The following TSPAN9 variants were observed in gnomAD, a reference collection of about 807,000 sequenced individuals.
TSPAN9 encodes the protein tetraspanin-9.
In TSPAN9, 16 loss-of-function variants were observed where a neutral mutation model predicts 31.0. The ratio of observed to expected loss-of-function variants is 0.52; its 90% CI spans 0.35 to 0.78. The LOEUF is 0.78. Among genes scored for constraint, TSPAN9 ranks in the 30% least tolerant of loss-of-function variants. The pLI, the probability that TSPAN9 is intolerant of heterozygous loss-of-function variation, is 0.01. For missense variants in TSPAN9, 272 were observed against 312.5 expected (o/e 0.87, Z 0.98); for synonymous variants, 145 against 121.6 (o/e 1.19, Z -1.27).
At chr12:3,161,343 A>G (rs1390846377) in intron 2 of TSPAN9, among the ~76,000 whole-genome samples, 1 of 152,228 alleles carries the variant, frequency 6.6e-6, no homozygotes, top group Non-Finnish European at 1.5e-5. Context: ...AGTTACACCT[A>G]TCTTGTCTTC....
At chr12:3,231,308 T>TA (rs1416207767) in intron 3 of TSPAN9, among the ~76,000 whole-genome samples, 1 of 152,112 alleles carries the variant, frequency 6.6e-6, no homozygotes, top group Non-Finnish European at 1.5e-5. Flanking sequence ...GGCCTCAGAA[T>TA]TCCTGTCAGT....
At chr12:3,115,239 G>A (rs1215760836) in intron 2 of TSPAN9, among the ~76,000 whole-genome samples, 2 of 152,160 alleles carry the variant, frequency 1.3e-5, no homozygotes, top group Non-Finnish European at 2.9e-5. Flanking sequence ...CATCTGTGTT[G>A]TAGCACGTGT....
intron 2 of TSPAN9, among the ~76,000 whole-genome samples, chr12:3,163,471 C>T (rs2098346588): frequency 6.6e-6 from 1 of 152,206 alleles, no homozygotes; most frequent in African/African-American, 2.4e-5. Flanking sequence ...TATGTCATTT[C>T]TCCTCCCTTC....
chr12:3,108,968 C>T (rs928056312), intron 2 of TSPAN9, among the ~76,000 whole-genome samples: 6 of 150,638 alleles, frequency 4.0e-5, no homozygotes, highest in African/African-American at 9.8e-5. Flanking sequence ...GACAGAGTCT[C>T]GCTCTTGCCC....
intron 2 of TSPAN9, among the ~76,000 whole-genome samples, chr12:3,146,071 TC>T (rs921081543): frequency 6.6e-6 from 1 of 151,920 alleles, no homozygotes; most frequent in African/African-American, 2.4e-5. Flanking sequence ...GGCTGTGAGC[TC>T]CCCCGGCAAG....
At chr12:3,124,278 C>G (rs1018242183) in intron 2 of TSPAN9, among the ~76,000 whole-genome samples, 1 of 152,162 alleles carries the variant, frequency 6.6e-6, no homozygotes, top group African/African-American at 2.4e-5. Context: ...AAGTTTATAT[C>G]AAAGGCCTTA....
chr12:3,236,716 A>G (rs1213837089), intron 3 of TSPAN9, among the ~76,000 whole-genome samples: 1 of 152,138 alleles, frequency 6.6e-6, no homozygotes, highest in African/African-American at 2.4e-5. Context: ...TAGGGGAATC[A>G]TCTGAGAGTC....
chr12:3,082,847 A>G (rs945280800), intron 1 of TSPAN9, among the ~76,000 whole-genome samples: 22 of 152,168 alleles, frequency 1.4e-4, no homozygotes, highest in African/African-American at 5.1e-4. Flanking sequence ...CCTTCAGGGC[A>G]TGGATTCTAA....
At chr12:3,193,692 G>T (rs893673872) in intron 2 of TSPAN9, among the ~76,000 whole-genome samples, 1 of 152,248 alleles carries the variant, frequency 6.6e-6, no homozygotes, top group Non-Finnish European at 1.5e-5. Context: ...AGTGCTCCTG[G>T]CTGTGCTCCG....
intron 2 of TSPAN9, among the ~76,000 whole-genome samples, chr12:3,089,488 G>A (rs2098302895): frequency 6.6e-6 from 1 of 151,570 alleles, no homozygotes; most frequent in Admixed American, 6.6e-5. Flanking sequence ...GTAGAGACGG[G>A]GTTTTACCGT....
At position 3,279,519 on chromosome 12, in the gene TSPAN9, T is replaced by C. The variant is rs542316915; in HGVS notation, c.330+453T>C. 1.1e-4 allele frequency among the ~76,000 whole-genome samples: 17 copies of C among 152,340 alleles called. No individual in the cohort carries two copies. The South Asian group carries it at 3.3e-3, about 30-fold the overall frequency. On this transcript the variant is annotated intron_variant, in intron 5 of 8. Transcript: ENST00000011898. ...GCAGGACTGAGGCACAGGGAAGCTCTGTTTCCTGCACTAGAGCCCTTGAGG... is the reference window on the plus strand; with the variant it reads ...GCAGGACTGAGGCACAGGGAAGCTCCGTTTCCTGCACTAGAGCCCTTGAGG...
At position 3,095,638 on chromosome 12, in the gene TSPAN9, C is replaced by CA. The variant is rs1282764019; in HGVS notation, c.-18+11919_-18+11920insA. ...CTGGCCGGGCGGAGGGCTGACCCCC[C>CA]CCACCTCCCTCCCGGACGGGGCGGC... On this transcript the variant is annotated intron_variant, in intron 2 of 8. Coordinates refer to ENST00000011898, the MANE Select transcript of TSPAN9 (RefSeq NM_006675.5). Among the ~76,000 whole-genome samples, 9 of 142,836 alleles carry CA rather than the reference C, an allele frequency of 6.3e-5. 1 individual carries two copies. Among genetic ancestry groups the CA allele is most frequent in the African/African-American group, 2.3e-4 (9 of 38,648 alleles). 93.7% of individuals were successfully genotyped at this position (142,836 alleles called of 152,430 possible). A position where few individuals can be genotyped will look rare whatever the true frequency, so the allele number is the denominator to read the frequency against.
intron 3 of TSPAN9, among the ~76,000 whole-genome samples, chr12:3,216,366 C>G (rs560535920): frequency 7.9e-5 from 12 of 152,220 alleles, no homozygotes; most frequent in African/African-American, 2.4e-4. Context: ...GGGTCCACAT[C>G]TCTTTTGCTC....
chr12:3,253,834 G>C (rs895008729), intron 3 of TSPAN9, among the ~76,000 whole-genome samples: 1 of 152,212 alleles, frequency 6.6e-6, no homozygotes, highest in African/African-American at 2.4e-5. Context: ...GCCTGGTGGT[G>C]TGCCCTCCTG....
chr12:3,244,952 C>CCT (rs942151606), intron 3 of TSPAN9, among the ~76,000 whole-genome samples: 1 of 152,140 alleles, frequency 6.6e-6, no homozygotes, highest in Non-Finnish European at 1.5e-5. Flanking sequence ...CTTCTGCCAA[C>CCT]CTCTCTCTCT....
At chr12:3,151,647 C>T (rs1004354527) in intron 2 of TSPAN9, among the ~76,000 whole-genome samples, 8 of 152,178 alleles carry the variant, frequency 5.3e-5, no homozygotes, top group African/African-American at 1.9e-4. Context: ...TGGGACATGG[C>T]GCCCATTTCC....
chr12:3,265,417 C>A (rs1028562765), intron 3 of TSPAN9, among the ~76,000 whole-genome samples: 14 of 152,302 alleles, frequency 9.2e-5, no homozygotes, highest in African/African-American at 3.4e-4. Flanking sequence ...CTCTGGAAAA[C>A]AAATGGCAAA....
At chr12:3,276,863 C>T (rs1462409674) in intron 3 of TSPAN9, among the ~76,000 whole-genome samples, 3 of 152,086 alleles carry the variant, frequency 2.0e-5, no homozygotes, top group African/African-American at 4.8e-5. Context: ...AAGGAGATGC[C>T]CTTCCTCAGG....
At chr12:3,207,924 G>A (rs917771575) in intron 3 of TSPAN9, among the ~76,000 whole-genome samples, 2 of 152,216 alleles carry the variant, frequency 1.3e-5, no homozygotes, top group Admixed American at 6.5e-5. Context: ...CTGAGTGGGC[G>A]CCTCCAGAAG....
Sources: gnomAD v4.1 joint callset for allele counts (sites outside exome capture counted in the v4.1 genomes callset) on GRCh38, gnomAD v4.1.1 for gene constraint, MANE v1.5 for transcripts, NCBI Gene and HGNC (gene_info 2026-07-23, HGNC 2026-07-21) for gene names.